Variants in DLC1 observed in about 807,000 individuals in gnomAD.
DLC1 encodes rho GTPase-activating protein 7.
DLC1 carries 54 observed loss-of-function variants against 140.3 expected under a neutral mutation model. The ratio of observed to expected loss-of-function variants is 0.38; its 90% CI spans 0.31 to 0.48. The LOEUF (loss-of-function observed/expected upper bound fraction) is 0.48. Among genes scored for constraint, DLC1 ranks in the 20% least tolerant of loss-of-function variants. The probability of loss-of-function intolerance (pLI) is 0.96; values close to 1 mark genes in which losing one functional copy is unlikely to be tolerated. For synonymous variants in DLC1, 986 were observed against 728.1 expected (o/e 1.35, Z -5.70); for missense variants, 2,536 against 1,907.0 (o/e 1.33, Z -6.14).
At chr8:13,167,632 A>C (rs1455867785) in intron 5 of DLC1, among the ~76,000 whole-genome samples, 1 of 152,232 alleles carries the variant, frequency 6.6e-6, no homozygotes, top group African/African-American at 2.4e-5. Flanking sequence ...CTGCACAGCT[A>C]CCAAATTTGT....
intron 5 of DLC1, among the ~76,000 whole-genome samples, chr8:13,153,277 C>CA (rs1823977919): frequency 3.9e-5 from 6 of 152,132 alleles, no homozygotes; most frequent in Admixed American, 3.9e-4. Flanking sequence ...GTGAGTGTTA[C>CA]AGCCCTTAAG....
intron 2 of DLC1, among the ~76,000 whole-genome samples, chr8:13,471,901 C>G (rs545096765): frequency 6.6e-6 from 1 of 152,326 alleles, no homozygotes; most frequent in Non-Finnish European, 1.5e-5. Flanking sequence ...AAGGAGATCT[C>G]AAGGCCGAGG....
At chr8:13,297,452 G>T (rs185081155) in intron 5 of DLC1, among the ~76,000 whole-genome samples, 241 of 151,964 alleles carry the variant, frequency 1.6e-3, no homozygotes, top group African/African-American at 5.5e-3. Flanking sequence ...ACAGCTGGGG[G>T]TCTTTGCTGT....
intron 5 of DLC1, among the ~76,000 whole-genome samples, chr8:13,120,880 T>C (rs1821005700): frequency 6.6e-6 from 1 of 152,074 alleles, no homozygotes. Context: ...TCCTCAACAG[T>C]AAGCTGAACA....
intron 5 of DLC1, among the ~76,000 whole-genome samples, chr8:13,257,441 A>G (rs76787096): frequency 1.1e-4 from 2 of 18,736 alleles, no homozygotes; most frequent in South Asian, 6.0e-3. Flanking sequence ...TGTCTCAGGA[A>G]AAAAAAAAAA....
intron 4 of DLC1, among the ~76,000 whole-genome samples, chr8:13,381,407 G>T (rs542028261): frequency 6.6e-6 from 1 of 152,340 alleles, no homozygotes; most frequent in South Asian, 2.1e-4. Flanking sequence ...ATCCTCCAGT[G>T]ATCTGTGTGT....
chr8:13,191,792 A>G (rs915175684), intron 5 of DLC1, among the ~76,000 whole-genome samples: 1 of 151,904 alleles, frequency 6.6e-6, no homozygotes, highest in Non-Finnish European at 1.5e-5. Context: ...TCCTTTCTGG[A>G]TCTCAGTTTC....
chr8:13,381,577 G>T (rs1305265654), intron 4 of DLC1, among the ~76,000 whole-genome samples: 1 of 152,176 alleles, frequency 6.6e-6, no homozygotes, highest in Admixed American at 6.5e-5. Context: ...CACTCTGGAG[G>T]AACAAAGCTT....
intron 14 of DLC1, among the ~76,000 whole-genome samples, chr8:13,091,034 C>T (rs553126188): frequency 5.3e-5 from 8 of 151,942 alleles, no homozygotes; most frequent in African/African-American, 9.7e-5. Context: ...TCTTGAACTC[C>T]GGAGCTCAAG....
chr8:13,236,039 A>T (rs1288645344), intron 5 of DLC1, among the ~76,000 whole-genome samples: 1 of 152,014 alleles, frequency 6.6e-6, no homozygotes, highest in Middle Eastern at 3.2e-3. Context: ...TTAGTATGGA[A>T]CCCATTTTTC....
At chr8:13,378,858 C>T (rs571480807) in intron 4 of DLC1, among the ~76,000 whole-genome samples, 13 of 152,078 alleles carry the variant, frequency 8.5e-5, no homozygotes, top group Admixed American at 5.2e-4. Flanking sequence ...ACGAATAATC[C>T]ACTCTGACAA....
chr8:13,299,478 C>CTTTT (rs36119138), intron 5 of DLC1, among the ~76,000 whole-genome samples: 1 of 114,586 alleles, frequency 8.7e-6, no homozygotes, highest in African/African-American at 3.2e-5. Context: ...AGCTCCTCAT[C>CTTTT]TTTTTTTTTT....
At chr8:13,361,661 T>C (rs1445716361) in intron 4 of DLC1, among the ~76,000 whole-genome samples, 3 of 152,166 alleles carry the variant, frequency 2.0e-5, no homozygotes, top group Admixed American at 1.3e-4. Context: ...CATATTATTA[T>C]TTCCTATATT....
intron 2 of DLC1, among the ~76,000 whole-genome samples, chr8:13,464,231 C>G (rs2117037279): frequency 6.6e-6 from 1 of 152,132 alleles, no homozygotes; most frequent in East Asian, 1.9e-4. Flanking sequence ...GGCCAAGTGC[C>G]CAGGGTCAGA....
intron 5 of DLC1, among the ~76,000 whole-genome samples, chr8:13,155,003 C>T (rs184467229): frequency 1.7e-4 from 26 of 152,118 alleles, no homozygotes; most frequent in Admixed American, 1.7e-3. Context: ...GAGGTAGTAT[C>T]ATTCAAATCA....
At chr8:13,264,636 G>T (rs534880087) in intron 5 of DLC1, among the ~76,000 whole-genome samples, 4 of 151,986 alleles carry the variant, frequency 2.6e-5, no homozygotes, top group Non-Finnish European at 5.9e-5. Flanking sequence ...GCACACACGG[G>T]GCTGTAACAG....
intron 5 of DLC1, among the ~76,000 whole-genome samples, chr8:13,221,369 C>A (rs990798694): frequency 1.4e-5 from 2 of 141,424 alleles, no homozygotes; most frequent in East Asian, 2.0e-4. Flanking sequence ...GTTTTCTTTT[C>A]TTTTTTTTTT....
chr8:13,426,959 C>G (rs1443831973), intron 2 of DLC1, among the ~76,000 whole-genome samples: 1 of 152,150 alleles, frequency 6.6e-6, no homozygotes, highest in Non-Finnish European at 1.5e-5. Context: ...AAGCCTATAA[C>G]TTGCCGTGCT....
At chr8:13,441,904 C>G (rs567830848) in intron 2 of DLC1, among the ~76,000 whole-genome samples, 1 of 152,192 alleles carries the variant, frequency 6.6e-6, no homozygotes, top group Non-Finnish European at 1.5e-5. Context: ...CAAGTCAATC[C>G]TAAGCCAAAA....
Sources: allele counts gnomAD v4.1 joint callset (sites outside exome capture counted in the v4.1 genomes callset), GRCh38; gene constraint gnomAD v4.1.1; transcripts MANE v1.5; gene names NCBI Gene and HGNC (gene_info 2026-07-23, HGNC 2026-07-21).